The following GRID1 variants were observed in gnomAD, a reference collection of about 807,000 sequenced individuals.
The protein encoded by GRID1 is glutamate receptor ionotropic, delta-1.
A neutral mutation model predicts 98.0 loss-of-function variants in GRID1; 28 were observed. That is an observed-to-expected ratio of 0.29 (90% confidence interval 0.21 to 0.39). GRID1 has a LOEUF of 0.39. GRID1 is among the 10% of genes least tolerant of loss of function. GRID1 has a pLI of 1.00. For synonymous variants in GRID1, 553 were observed against 538.5 expected (o/e 1.03, Z -0.37); for missense variants, 1,111 against 1,340.5 (o/e 0.83, Z 2.67).
chr10:86,364,156 G>C, intron 1 of GRID1, 60 bp from the exon 2 acceptor site: 1 of 1,474,858 alleles, frequency 6.8e-7, no homozygotes, highest in Admixed American at 1.7e-5. Context: ...CGCTTCCCTT[G>C]GCCCGAGGGT....
chr10:85,697,497 T>C (rs1841407135), intron 12 of GRID1, among the ~76,000 whole-genome samples: 1 of 152,188 alleles, frequency 6.6e-6, no homozygotes, highest in Non-Finnish European at 1.5e-5. Context: ...TATCTGTGTC[T>C]CTTTGTGTTT....
chr10:85,620,083 CA>C (rs1468297495), intron 13 of GRID1, 50 bp from the exon 14 acceptor site: 1 of 1,518,346 alleles, frequency 6.6e-7, no homozygotes, highest in Non-Finnish European at 9.1e-7. Flanking sequence ...CCAGCTGTGT[CA>C]GCTTTGATTG....
rs115060897 is a variant in GRID1, at chr10:85,948,756, G to T, written c.727-32517C>A. Reference sequence around the variant, plus strand: ...ACCAGCTTATAATTGCAAGAAAAAAGATCCTGTTTTTTTGACATTCTGAAT... The same window carrying T: ...ACCAGCTTATAATTGCAAGAAAAAATATCCTGTTTTTTTGACATTCTGAAT... On this transcript the variant is annotated intron_variant, in intron 4 of 15. Coordinates refer to ENST00000327946, the MANE Select transcript of GRID1 (RefSeq NM_017551.3). 6.7e-3 allele frequency among the ~76,000 whole-genome samples: 1,021 copies of T among 152,170 alleles called. 16 individuals carry two copies. The highest frequency in any genetic ancestry group is 0.024 in the African/African-American group (990 of 41,526).
intron 12 of GRID1, among the ~76,000 whole-genome samples, chr10:85,708,417 AT>A (rs1841547531): frequency 6.6e-6 from 1 of 151,718 alleles, no homozygotes. Context: ...AAAAAAAAAA[AT>A]ACAAGATTAA....
intron 3 of GRID1, among the ~76,000 whole-genome samples, chr10:86,164,571 G>A (rs975375626): frequency 3.3e-5 from 5 of 152,294 alleles, no homozygotes; most frequent in South Asian, 2.1e-4. Context: ...CCATAATTGC[G>A]CAATCAAATA....
At chr10:85,653,421 G>A (rs1467825984) in intron 12 of GRID1, among the ~76,000 whole-genome samples, 15 of 152,228 alleles carry the variant, frequency 9.9e-5, no homozygotes. Flanking sequence ...ACTCGCAGAG[G>A]ATGGGGCTGA....
chr10:86,261,628 G>A (rs1029906422), intron 2 of GRID1, among the ~76,000 whole-genome samples: 1 of 152,190 alleles, frequency 6.6e-6, no homozygotes, highest in Non-Finnish European at 1.5e-5. Context: ...GAGTGGATCA[G>A]GTAAGAAGGA....
At chr10:85,856,282 C>T in intron 6 of GRID1, 92 bp from the exon 7 acceptor site, 2 of 1,152,450 alleles carry the variant, frequency 1.7e-6, no homozygotes, top group East Asian at 2.4e-5. Flanking sequence ...ATGCAGGATG[C>T]CAACATTAAG....
chr10:85,754,539 G>A (rs1842077988), intron 8 of GRID1, among the ~76,000 whole-genome samples: 1 of 152,180 alleles, frequency 6.6e-6, no homozygotes, highest in African/African-American at 2.4e-5. Flanking sequence ...TATGATTAAA[G>A]TTAAAGAGTG....
chr10:86,015,632 A>C (rs1355900490), intron 4 of GRID1, among the ~76,000 whole-genome samples: 2 of 152,190 alleles, frequency 1.3e-5, no homozygotes, highest in Admixed American at 1.3e-4. Flanking sequence ...GCTCAGCCCT[A>C]CTGTGGCTGA....
chr10:85,729,492 A>T, intron 9 of GRID1, 21 bp downstream of exon 9: 1 of 1,451,628 alleles, frequency 6.9e-7, no homozygotes, highest in Non-Finnish European at 9.7e-7. Context: ...GCTCGCTCCC[A>T]GAATGTCCCC....
chr10:86,055,266 G>A (rs1843557115), intron 4 of GRID1, among the ~76,000 whole-genome samples: 1 of 152,220 alleles, frequency 6.6e-6, no homozygotes, highest in African/African-American at 2.4e-5. Context: ...GGATACAGGT[G>A]AGTACCATTA....
At chr10:86,344,624 C>T (rs1848356763) in intron 2 of GRID1, among the ~76,000 whole-genome samples, 1 of 152,240 alleles carries the variant, frequency 6.6e-6, no homozygotes, top group Non-Finnish European at 1.5e-5. Context: ...AGCCAAAGTA[C>T]ACTTGTAGGA....
intron 4 of GRID1, among the ~76,000 whole-genome samples, chr10:86,089,839 C>T (rs1169741096): frequency 1.3e-5 from 2 of 152,034 alleles, no homozygotes; most frequent in African/African-American, 4.8e-5. Flanking sequence ...CTCCACCTCC[C>T]AGGTTCAAGT....
At chr10:86,024,162 A>G (rs1382689115) in intron 4 of GRID1, among the ~76,000 whole-genome samples, 2 of 152,146 alleles carry the variant, frequency 1.3e-5, no homozygotes, top group African/African-American at 4.8e-5. Context: ...CCGGGATGAG[A>G]TCATCCAGTT....
At chr10:86,001,203 T>C (rs1327871323) in intron 4 of GRID1, among the ~76,000 whole-genome samples, 1 of 152,174 alleles carries the variant, frequency 6.6e-6, no homozygotes, top group Non-Finnish European at 1.5e-5. Flanking sequence ...GAAAATGCTG[T>C]CACTGTAAAG....
At chr10:85,874,314 A>G (rs989057346) in intron 5 of GRID1, among the ~76,000 whole-genome samples, 4 of 152,074 alleles carry the variant, frequency 2.6e-5, no homozygotes, top group Non-Finnish European at 5.9e-5. Context: ...GGTTTTACAA[A>G]GTTATAATCA....
At chr10:85,862,939 G>A (rs117810830) in intron 6 of GRID1, among the ~76,000 whole-genome samples, 168 of 152,292 alleles carry the variant, frequency 1.1e-3, no homozygotes, top group Non-Finnish European at 2.0e-3. Context: ...ACTGGGGGCA[G>A]GGAAGCAGTG....
chr10:86,136,949 CTAAAA>C (rs1401417179), intron 4 of GRID1, among the ~76,000 whole-genome samples: 1 of 151,982 alleles, frequency 6.6e-6, no homozygotes, highest in African/African-American at 2.4e-5. Context: ...CCCCCTGTAC[CTAAAA>C]TAAAAGTTGA....
Sources: gnomAD v4.1 joint callset for allele counts (sites outside exome capture counted in the v4.1 genomes callset) on GRCh38, gnomAD v4.1.1 for gene constraint, MANE v1.5 for transcripts, NCBI Gene and HGNC (gene_info 2026-07-23, HGNC 2026-07-21) for gene names.